Variants in EML4 observed in about 807,000 individuals in gnomAD.
EML4 encodes the protein EMAP like 4.
In EML4, 72 loss-of-function variants were observed where a neutral mutation model predicts 129.0. The observed-to-expected ratio is 0.56, with a 90% confidence interval of 0.46 to 0.68. The LOEUF is 0.68. Ranked by LOEUF, EML4 falls within the 30% of genes least tolerant of loss-of-function variation. The pLI, the probability that EML4 is intolerant of heterozygous loss-of-function variation, is 0.00. For synonymous variants in EML4, 532 were observed against 405.0 expected, an observed-to-expected ratio of 1.31 and a Z score of -3.77; for missense variants, 1,363 against 1,190.6, an observed-to-expected ratio of 1.14 and a Z score of -2.13.
At chr2:42,281,609 T>C (rs1347246601) in intron 7 of EML4, among the ~76,000 whole-genome samples, 3 of 152,170 alleles carry the variant, frequency 2.0e-5, no homozygotes, top group Admixed American at 1.3e-4. Flanking sequence ...TCTTTACTTA[T>C]AAAAGGGGTT....
At chr2:42,215,199 A>G (rs1673111112) in intron 1 of EML4, among the ~76,000 whole-genome samples, 2 of 152,126 alleles carry the variant, frequency 1.3e-5, no homozygotes, top group African/African-American at 2.4e-5. Context: ...AGCTGGGACT[A>G]CCGATGCACA....
intron 1 of EML4, among the ~76,000 whole-genome samples, chr2:42,221,250 G>A (rs1192546006): frequency 1.3e-5 from 2 of 152,070 alleles, no homozygotes; most frequent in Admixed American, 1.3e-4. Flanking sequence ...TGTTGAGGGG[G>A]TATTGTAGCT....
Position 42,308,009 on chromosome 2 carries a change from A to G in EML4, c.1967+3458A>G, listed in dbSNP as rs553162094. 1.2e-4 allele frequency among the ~76,000 whole-genome samples: 18 copies of G among 152,370 alleles called. No homozygotes were observed. The South Asian group carries it at 3.5e-3, about 30-fold the overall frequency. On this transcript the variant is annotated intron_variant, in intron 17 of 22. Transcript: ENST00000318522. ...ATGTCCAAGTTGTGCATGATCCAAA[A>G]AAAGTGACTAGTAAAAAAAAGTAAT...
At chr2:42,301,665 T>G (rs889832298) in intron 14 of EML4, among the ~76,000 whole-genome samples, 2 of 152,068 alleles carry the variant, frequency 1.3e-5, no homozygotes, top group African/African-American at 4.8e-5. Flanking sequence ...ATTTTTCTTC[T>G]CTTTTTTGGT....
chr2:42,233,078 T>A (rs1175849726), intron 1 of EML4, among the ~76,000 whole-genome samples: 1 of 152,146 alleles, frequency 6.6e-6, no homozygotes, highest in Non-Finnish European at 1.5e-5. Flanking sequence ...CCAATGTCTT[T>A]TATCAGCTTT....
intron 18 of EML4, 142 bp from the exon 19 acceptor site, chr2:42,317,285 G>A (rs1439370677): frequency 3.4e-6 from 2 of 585,702 alleles, no homozygotes; most frequent in African/African-American, 3.8e-5. Context: ...TTTTTCAAAT[G>A]TACTTAGTGG....
chr2:42,204,403 A>G (rs1459845715), intron 1 of EML4, among the ~76,000 whole-genome samples: 1 of 152,190 alleles, frequency 6.6e-6, no homozygotes, highest in Non-Finnish European at 1.5e-5. Context: ...TTTTCTGGAA[A>G]GGGCCAGATA....
intron 1 of EML4, among the ~76,000 whole-genome samples, chr2:42,226,156 A>G (rs1411568752): frequency 6.6e-6 from 1 of 152,044 alleles, no homozygotes; most frequent in Non-Finnish European, 1.5e-5. Flanking sequence ...TCTTGGTATG[A>G]TAGTCATTTA....
intron 10 of EML4, among the ~76,000 whole-genome samples, chr2:42,287,864 C>G (rs141629561): frequency 1.3e-5 from 2 of 152,130 alleles, no homozygotes; most frequent in East Asian, 3.9e-4. Flanking sequence ...TACATTTCTT[C>G]TTACCTACCA....
chr2:42,323,184 G>A (rs944039108), intron 19 of EML4, among the ~76,000 whole-genome samples: 2 of 152,144 alleles, frequency 1.3e-5, no homozygotes, highest in Non-Finnish European at 2.9e-5. Flanking sequence ...ACTTTGCCAT[G>A]ACCAATCTTG....
At chr2:42,235,058 G>GGCTGAGGTGGGTGTATCACCTGAGGTCA (rs1470890795) in intron 1 of EML4, among the ~76,000 whole-genome samples, 3 of 152,174 alleles carry the variant, frequency 2.0e-5, no homozygotes, top group African/African-American at 7.2e-5. Flanking sequence ...CACTTTGGGA[G>GGCTGAGGTGGGTGTATCACCTGAGGTCA]GCTGAGGTGG....
intron 1 of EML4, among the ~76,000 whole-genome samples, chr2:42,189,719 A>G (rs1671470756): frequency 6.6e-6 from 1 of 152,228 alleles, no homozygotes; most frequent in African/African-American, 2.4e-5. Flanking sequence ...TTGATATCAT[A>G]CAGTTAGTGT....
intron 1 of EML4, among the ~76,000 whole-genome samples, chr2:42,181,940 A>ATG (rs1670968485): frequency 1.3e-5 from 2 of 152,274 alleles, no homozygotes; most frequent in Admixed American, 1.3e-4. Context: ...TTATGTACAT[A>ATG]TGTGTGTGGC....
chr2:42,181,225 T>C lies in EML4; in HGVS notation c.25+11589T>C, dbSNP rs184633913. Among the ~76,000 whole-genome samples, 98 of 152,368 alleles carry C rather than the reference T, an allele frequency of 6.4e-4. 1 individual carries two copies. Among genetic ancestry groups the C allele is most frequent in the Admixed American group, 3.7e-3 (57 of 15,302 alleles). On this transcript the variant is annotated intron_variant, in intron 1 of 22. Coordinates refer to ENST00000318522, the MANE Select transcript of EML4 (RefSeq NM_019063.5). ...AAAATGTGCTTTGAAACTATGTAAA[T>C]ATTCAGTTCTTCATCAGACCTTCAG...
At chr2:42,247,995 A>G (rs766044326) in intron 2 of EML4, among the ~76,000 whole-genome samples, 70 of 152,150 alleles carry the variant, frequency 4.6e-4, no homozygotes, top group Admixed American at 1.1e-3. Context: ...AGTTTATATT[A>G]GTTTTTTTAA....
Position 42,263,277 on chromosome 2 carries a change from A to C in EML4, c.612A>C (p.Leu204Phe), listed in dbSNP as rs767194253. Residue 204 changes from leucine to phenylalanine, a missense_variant, in exon 5 of 23, where the codon TTA becomes TTC. Coordinates refer to ENST00000318522, the MANE Select transcript of EML4 (RefSeq NM_019063.5). ...CGAAAATACCTTCAACACCCAAATT[A>C]ATACCAAAAGTTACCAAAACTGCAG... Reference protein sequence around the residue: ...KLSKIPSTPKLIPKVTKTADK... With the variant: ...KLSKIPSTPKFIPKVTKTADK... 7.4e-6 allele frequency: 12 copies of C among 1,612,486 alleles called. No homozygotes were observed. In the East Asian group the frequency reaches 2.7e-4, roughly 36 times the overall value.
chr2:42,304,532 A>G lies in EML4; in HGVS notation c.1948A>G (p.Ile650Val). The change falls in exon 17 of 23, where the codon ATA becomes GTA. Residue 650 changes from isoleucine to valine, a missense_variant. Ile to Val is a conservative substitution (Grantham distance 29). Transcript: ENST00000318522. ...DFHPSGTVVA[I>V]GTHSGRWFVL... The stretch of plus-strand genomic sequence containing the variant: ...TCATCCAAGTGGCACAGTGGTGGCC[A>G]TAGGAACGCACTCAGGCAGGTAGGG... 2 of 1,614,020 alleles carry G rather than the reference A, an allele frequency of 1.2e-6. No individual in the cohort carries two copies. The highest frequency in any genetic ancestry group is 1.7e-6 in the Non-Finnish European group (2 of 1,179,902).
intron 1 of EML4, among the ~76,000 whole-genome samples, chr2:42,194,935 C>T (rs1445239591): frequency 1.3e-5 from 2 of 152,014 alleles, no homozygotes; most frequent in Non-Finnish European, 2.9e-5. Context: ...TAATTTTTTT[C>T]TTACAAATAT....
At chr2:42,259,004 TG>T (rs1005955823) in intron 3 of EML4, among the ~76,000 whole-genome samples, 3 of 152,134 alleles carry the variant, frequency 2.0e-5, no homozygotes, top group African/African-American at 4.8e-5. Context: ...CCCAGCACTT[TG>T]GGAGGCTGAG....
Sources: gnomAD v4.1 joint callset for allele counts (sites outside exome capture counted in the v4.1 genomes callset) on GRCh38, gnomAD v4.1.1 for gene constraint, MANE v1.5 for transcripts, NCBI Gene and HGNC (gene_info 2026-07-23, HGNC 2026-07-21) for gene names.